The following MAGEC1 variants were observed in gnomAD, a reference collection of about 807,000 sequenced individuals.
The protein encoded by MAGEC1 is MAGE family member C1.
Under a neutral mutation model 1.5 loss-of-function variants are expected in MAGEC1, and 3 were observed. The ratio of observed to expected loss-of-function variants is 1.97; its 90% CI spans 0.90 to 5.10. The LOEUF is 5.10. MAGEC1 is among the 30% of genes most tolerant of loss of function. The pLI is 0.02. For synonymous variants in MAGEC1, 357 were observed against 310.4 expected, an observed-to-expected ratio of 1.15 and a Z score of -1.58; for missense variants, 985 against 803.1, an observed-to-expected ratio of 1.23 and a Z score of -2.74.
Position 141,907,363 on chromosome X carries a change from G to A in MAGEC1, c.1959G>A (p.Glu653=). 8.3e-7 allele frequency: 1 copy of A among 1,207,581 alleles called. No homozygotes were observed. The highest frequency in any genetic ancestry group is 1.1e-6 in the Non-Finnish European group (1 of 894,145). The change falls in exon 4 of 4, where the codon GAG becomes GAA. Residue 653 remains glutamate (E), a synonymous_variant. Coordinates refer to ENST00000285879, the MANE Select transcript of MAGEC1 (RefSeq NM_005462.5). ...CTGAGAGTTCTCAGAGTCCTCCTGA[G>A]GGGCCTGTCCAGTCTCCTCTCCATA... ...SFPESSQSPP[E]GPVQSPLHSP...
rs1927048689 is a variant in MAGEC1, at chrX:141,909,053, G to A, written c.*220G>A. The A allele has an allele frequency of 3.2e-6, 1 of 314,792 alleles. No individual in the cohort carries two copies. Among genetic ancestry groups the A allele is most frequent in the Non-Finnish European group, 5.5e-6 (1 of 181,728 alleles). The allele number at this position is 314,792 out of a possible 1,213,427, so 25.9% of individuals were successfully genotyped here. On this transcript the variant is annotated 3_prime_UTR_variant, in exon 4 of 4. Transcript: ENST00000285879. ...TCAGAATCCTAGTTTATGCACATGAGTCGCACATGTATTGCTGTTTTTCTG... is the reference window on the plus strand; with the variant it reads ...TCAGAATCCTAGTTTATGCACATGAATCGCACATGTATTGCTGTTTTTCTG...
rs176038 is a variant in MAGEC1, at chrX:141,906,066, C to T, written c.662C>T (p.Thr221Ile). Residue 221 changes from threonine to isoleucine, a missense_variant, in exon 4 of 4, where the codon ACT (threonine) becomes ATT (isoleucine). Physicochemically the swap from Thr to Ile is moderately conservative, Grantham distance 89. Transcript: ENST00000285879. ...ATTTTCCAGAGTTCCCCTGAGAGAA[C>T]TCAGAGTACTTTTGAGGGTTTTGCC... ...LSIFQSSPERTQSTFEGFAQS... is the reference protein window; with the variant it reads ...LSIFQSSPERIQSTFEGFAQS... 5.4e-6 allele frequency: 4 copies of T among 744,231 alleles called. No homozygotes were observed. The highest frequency in any genetic ancestry group is 3.4e-6 in the Non-Finnish European group (2 of 594,149). 61.3% of individuals were successfully genotyped at this position (744,231 alleles called of 1,213,427 possible). A position where few individuals can be genotyped will look rare whatever the true frequency, so the allele number is the denominator to read the frequency against.
rs115905907 is a variant in MAGEC1, at chrX:141,905,623, G to A, written c.219G>A (p.Gly73=). The change falls in exon 4 of 4, where the codon GGG becomes GGA. Residue 73 remains glycine, a synonymous_variant. Coordinates refer to ENST00000285879, the MANE Select transcript of MAGEC1 (RefSeq NM_005462.5). ...SSDPLQRPPE[G]KDSQSPLQIP... ...ATCCTCTCCAGAGACCTCCTGAGGG[G>A]AAGGACTCCCAGTCTCCTCTCCAGA... The A allele has an allele frequency of 2.4e-3, 2,920 of 1,206,939 alleles. 51 individuals carry two copies. In the African/African-American group the frequency reaches 0.045, roughly 19 times the overall value.
At position 141,905,941 on chromosome X, in the gene MAGEC1, C is replaced by A. The variant is rs759532510; in HGVS notation, c.537C>A (p.Phe179Leu). The change falls in exon 4 of 4, where the codon TTC becomes TTA. Residue 179 changes from phenylalanine (F) to leucine (L), a missense_variant. Phe to Leu is a conservative substitution (Grantham distance 22). Transcript: ENST00000285879. ...AASSSTLVSI[F>L]QSSPESTQSP... ...CCTCCTCCACTTTAGTGAGTATTTT[C>A]CAGAGTTCCCCTGAGAGTACTCAAA... 5.6e-5 allele frequency: 68 copies of A among 1,203,635 alleles called. No individual in the cohort carries two copies. The Middle Eastern group carries it at 6.9e-4, about 12-fold the overall frequency.
rs1161779448 is a variant in MAGEC1 at position 141,908,215 on chromosome X, T to C, written c.2811T>C (p.Asn937=). The change falls in exon 4 of 4, where the codon AAT becomes AAC. Residue 937 remains asparagine (N), a synonymous_variant. Coordinates refer to ENST00000285879, the MANE Select transcript of MAGEC1 (RefSeq NM_005462.5). The part of the protein sequence containing the change: ...QPITKAEMLT[N]VISRYTGYFP... ...TCACAAAGGCAGAGATGCTGACGAA[T>C]GTCATCAGCAGGTACACGGGCTACT... is the stretch of plus-strand genomic sequence containing the variant. 5.8e-6 allele frequency: 7 copies of C among 1,209,838 alleles called. No homozygotes were observed. In the Middle Eastern group the frequency reaches 9.2e-4, roughly 158 times the overall value.
chrX:141,908,717 G>A lies in MAGEC1; in HGVS notation c.3313G>A (p.Asp1105Asn), dbSNP rs751812225. The A allele has an allele frequency of 6.9e-5, 83 of 1,209,843 alleles. No homozygotes were observed. Among genetic ancestry groups the A allele is most frequent in the Non-Finnish European group, 9.2e-5 (82 of 895,016 alleles). The stretch of plus-strand genomic sequence containing the variant: ...TATTACCTTTCCATCCTCTTACAAG[G>A]ATGCTTTGAAAGATGTGGAAGAGAG... ...VPITFPSSYKDALKDVEERAQ... is the reference protein window; with the variant it reads ...VPITFPSSYKNALKDVEERAQ... The change falls in exon 4 of 4, where the codon GAT (aspartate) becomes AAT (asparagine). Residue 1105 changes from aspartate (D) to asparagine (N), a missense_variant. Coordinates refer to ENST00000285879, the MANE Select transcript of MAGEC1 (RefSeq NM_005462.5).
chrX:141,907,902 C>T lies in MAGEC1; in HGVS notation c.2498C>T (p.Ser833Phe). Residue 833 changes from serine (S) to phenylalanine (F), a missense_variant, in exon 4 of 4, where the codon TCC becomes TTC. Transcript: ENST00000285879. The stretch of plus-strand genomic sequence containing the variant: ...CTTTCCCAGAGTTCTCCTGTGAGCT[C>T]CTTCCCCTCCTCCACTTCATCGAGT... ...SSLSQSSPVS[S>F]FPSSTSSSLS... 3 of 1,210,893 alleles carry T rather than the reference C, an allele frequency of 2.5e-6. No individual in the cohort carries two copies. The highest frequency in any genetic ancestry group is 3.5e-5 in the South Asian group (2 of 56,899).
In MAGEC1 at chrX:141,906,982, C is replaced by A. The variant is rs1232278674; in HGVS notation, c.1578C>A (p.Thr526=). 8.3e-7 allele frequency: 1 copy of A among 1,211,309 alleles called. No homozygotes were observed. Among genetic ancestry groups the A allele is most frequent in the South Asian group, 1.8e-5 (1 of 56,974 alleles). The change falls in exon 4 of 4, where the codon ACC becomes ACA. Residue 526 remains threonine, a synonymous_variant. Transcript: ENST00000285879. ...AGAGTCCTCCTGAAGGGGAGAATACCCATTCTCCTCTCCAGATTGTTCCAA... is the reference window on the plus strand; with the variant it reads ...AGAGTCCTCCTGAAGGGGAGAATACACATTCTCCTCTCCAGATTGTTCCAA... ...IPQSPPEGEN[T]HSPLQIVPSL...
chrX:141,907,140 A>G lies in MAGEC1; in HGVS notation c.1736A>G (p.Tyr579Cys). The G allele has an allele frequency of 3.4e-6, 4 of 1,187,986 alleles. No homozygotes were observed. Among genetic ancestry groups the G allele is most frequent in the Non-Finnish European group, 4.5e-6 (4 of 886,250 alleles). The change falls in exon 4 of 4, where the codon TAC (tyrosine) becomes TGC (cysteine). Residue 579 changes from tyrosine to cysteine, a missense_variant. By Grantham distance (194) the Tyr-to-Cys change is radical. Transcript: ENST00000285879. Reference sequence around the variant, plus strand: ...GGGGAGGACTCCCTGTCTCCTCACTACTTTCCTCAGAGCCCTCAGGGGGAG... The same window carrying G: ...GGGGAGGACTCCCTGTCTCCTCACTGCTTTCCTCAGAGCCCTCAGGGGGAG... ...PQGEDSLSPH[Y>C]FPQSPQGEDS...
rs759987460 is a variant in MAGEC1 at position 141,904,278 on chromosome X, A to G, written c.-202+300A>G. On this transcript the variant is annotated intron_variant, in intron 1 of 3. Coordinates refer to ENST00000285879, the MANE Select transcript of MAGEC1 (RefSeq NM_005462.5). ...CCCAGGTGGCTGAGGCTGAGCGGCC[A>G]CCCTCTCACTGCTGGGTGAGGGGTG... 1.7e-4 allele frequency among the ~76,000 whole-genome samples: 19 copies of G among 110,831 alleles called. No homozygotes were observed. In the South Asian group the frequency reaches 6.3e-3, roughly 37 times the overall value.
In MAGEC1 at chrX:141,908,028, T is replaced by C. The variant is rs150953847; in HGVS notation, c.2624T>C (p.Val875Ala). ...TTCAGTGAAGAGTCCAGCAGCCCAGTAGATGAATATACAAGTTCCTCAGAC... is the reference window on the plus strand; with the variant it reads ...TTCAGTGAAGAGTCCAGCAGCCCAGCAGATGAATATACAAGTTCCTCAGAC... Reference protein sequence around the residue: ...SPFSEESSSPVDEYTSSSDTL... With the variant: ...SPFSEESSSPADEYTSSSDTL... Residue 875 changes from valine to alanine, a missense_variant, in exon 4 of 4, where the codon GTA becomes GCA. Val to Ala is a moderately conservative substitution (Grantham distance 64). Transcript: ENST00000285879. 91 of 1,210,236 alleles carry C rather than the reference T, an allele frequency of 7.5e-5. No homozygotes were observed. The highest frequency in any genetic ancestry group is 1.0e-4 in the Non-Finnish European group (90 of 895,199).
rs1464442962 is a variant in MAGEC1, at chrX:141,909,156, C to T, written c.*323C>T. The T allele has an allele frequency of 1.1e-5, 2 of 175,155 alleles. No homozygotes were observed. Among genetic ancestry groups the T allele is most frequent in the East Asian group, 2.3e-4 (2 of 8,855 alleles). 14.4% of individuals were successfully genotyped at this position (175,155 alleles called of 1,213,427 possible). On this transcript the variant is annotated 3_prime_UTR_variant, in exon 4 of 4. Coordinates refer to ENST00000285879, the MANE Select transcript of MAGEC1 (RefSeq NM_005462.5). ...ACCACATTGGGAAAACCTTCTGCCT[C>T]ATTTTGTGATGTGTCACAGGTTAAT...
rs762692975 is a variant in MAGEC1 at position 141,908,568 on chromosome X, A to G, written c.3164A>G (p.Glu1055Gly). Residue 1055 changes from glutamate (E) to glycine (G), a missense_variant, in exon 4 of 4, where the codon GAG (glutamate) becomes GGG (glycine). Physicochemically the swap from Glu to Gly is moderately conservative, Grantham distance 98. Coordinates refer to ENST00000285879, the MANE Select transcript of MAGEC1 (RefSeq NM_005462.5). ...TKVWVQEHYL[E>G]YREVPNSSPP... is the part of the protein sequence containing the mutation. The stretch of plus-strand genomic sequence containing the variant: ...GTTTGGGTGCAGGAACATTACCTAG[A>G]GTACCGGGAGGTGCCCAACTCTTCT... 1.7e-6 allele frequency: 2 copies of G among 1,198,697 alleles called. No individual in the cohort carries two copies. Among genetic ancestry groups the G allele is most frequent in the Non-Finnish European group, 2.3e-6 (2 of 888,586 alleles).
Position 141,908,540 on chromosome X carries a change from A to G in MAGEC1, c.3136A>G (p.Lys1046Glu), listed in dbSNP as rs779255723. The G allele has an allele frequency of 7.5e-6, 9 of 1,194,112 alleles. No individual in the cohort carries two copies. Among genetic ancestry groups the G allele is most frequent in the South Asian group, 7.4e-5 (4 of 53,863 alleles). Residue 1046 changes from lysine to glutamate, a missense_variant, in exon 4 of 4, where the codon AAA (lysine) becomes GAA (glutamate). Physicochemically the swap from Lys to Glu is moderately conservative, Grantham distance 56. Transcript: ENST00000285879. ...TGGGGAGCCCAGGGAGCTCCTCACT[A>G]AAGTTTGGGTGCAGGAACATTACCT... ...AFGEPRELLT[K>E]VWVQEHYLEY...
chrX:141,904,933 G>A lies in MAGEC1; in HGVS notation c.-103-37G>A, dbSNP rs2018167717. ...CTGGTGCCTCAGGCTCTGCCTGCCA[G>A]CTGTGCCCCGAGGTGCTTTCTCGCG... is the stretch of plus-strand genomic sequence containing the variant. On this transcript the variant is annotated intron_variant, in intron 2 of 3. Transcript: ENST00000285879. The A allele has an allele frequency of 9.5e-6, 9 of 948,019 alleles. No individual in the cohort carries two copies. The South Asian group carries it at 1.9e-4, about 20-fold the overall frequency. 78.1% of individuals were successfully genotyped at this position (948,019 alleles called of 1,213,427 possible). A position where few individuals can be genotyped will look rare whatever the true frequency, so the allele number is the denominator to read the frequency against.
At position 141,907,890 on chromosome X, in the gene MAGEC1, C is replaced by T. The variant is rs777540510; in HGVS notation, c.2486C>T (p.Ser829Phe). Residue 829 changes from serine (S) to phenylalanine (F), a missense_variant, in exon 4 of 4, where the codon TCT becomes TTT. Physicochemically the swap from Ser to Phe is radical, Grantham distance 155 (BLOSUM62 -2). Coordinates refer to ENST00000285879, the MANE Select transcript of MAGEC1 (RefSeq NM_005462.5). ...SSTSSSLSQSSPVSSFPSSTS... is the reference protein window; with the variant it reads ...SSTSSSLSQSFPVSSFPSSTS... ...ACTTCATCGAGTCTTTCCCAGAGTT[C>T]TCCTGTGAGCTCCTTCCCCTCCTCC... 8.3e-7 allele frequency: 1 copy of T among 1,209,689 alleles called. No individual in the cohort carries two copies. Among genetic ancestry groups the T allele is most frequent in the Non-Finnish European group, 1.1e-6 (1 of 894,588 alleles).
chrX:141,907,160 G>C lies in MAGEC1; in HGVS notation c.1756G>C (p.Gly586Arg). The C allele has an allele frequency of 1.7e-6, 2 of 1,202,355 alleles. No individual in the cohort carries two copies. The highest frequency in any genetic ancestry group is 2.2e-6 in the Non-Finnish European group (2 of 892,119). Residue 586 changes from glycine (G) to arginine (R), a missense_variant, in exon 4 of 4, where the codon GGG becomes CGG. Gly to Arg is a moderately radical substitution (Grantham distance 125). Coordinates refer to ENST00000285879, the MANE Select transcript of MAGEC1 (RefSeq NM_005462.5). ...TCACTACTTTCCTCAGAGCCCTCAG[G>C]GGGAGGACTCCCTGTCTCCTCACTA... is the stretch of plus-strand genomic sequence containing the variant. ...SPHYFPQSPQGEDSLSPHYFP... is the reference protein window; with the variant it reads ...SPHYFPQSPQREDSLSPHYFP...
Position 141,908,667 on chromosome X carries a change from T to C in MAGEC1, c.3263T>C (p.Leu1088Ser), listed in dbSNP as rs2124154091. 8.3e-7 allele frequency: 1 copy of C among 1,211,826 alleles called. No homozygotes were observed. Among genetic ancestry groups the C allele is most frequent in the East Asian group, 3.0e-5 (1 of 33,814 alleles). Residue 1088 changes from leucine (L) to serine (S), a missense_variant, in exon 4 of 4, where the codon TTG becomes TCG. Coordinates refer to ENST00000285879, the MANE Select transcript of MAGEC1 (RefSeq NM_005462.5). ...ATTAAGAGGAAAGTAGTAGAGTTTT[T>C]GGCCATGCTAAAGAATACCGTCCCT... ...EVIKRKVVEF[L>S]AMLKNTVPIT...
rs769947583 is a variant in MAGEC1, at chrX:141,908,059, G to T, written c.2655G>T (p.Leu885Phe). 12 of 1,210,499 alleles carry T rather than the reference G, an allele frequency of 9.9e-6. No individual in the cohort carries two copies. Among genetic ancestry groups the T allele is most frequent in the African/African-American group, 8.7e-5 (5 of 57,348 alleles). Residue 885 changes from leucine to phenylalanine, a missense_variant, in exon 4 of 4, where the codon TTG (leucine) becomes TTT (phenylalanine). Leu to Phe is a conservative substitution (Grantham distance 22). Transcript: ENST00000285879. The stretch of plus-strand genomic sequence containing the variant: ...AATATACAAGTTCCTCAGACACCTT[G>T]CTAGAGAGTGATTCCTTGACAGACA... ...VDEYTSSSDTLLESDSLTDSE... is the reference protein window; with the variant it reads ...VDEYTSSSDTFLESDSLTDSE...
Sources: gnomAD v4.1 joint callset for allele counts (sites outside exome capture counted in the v4.1 genomes callset) on GRCh38, gnomAD v4.1.1 for gene constraint, MANE v1.5 for transcripts, NCBI Gene and HGNC (gene_info 2026-07-23, HGNC 2026-07-21) for gene names.